Variants in SFSWAP observed in about 807,000 individuals in gnomAD.
SFSWAP encodes splicing factor SWAP, also known as splicing factor, suppressor of white-apricot homolog.
A neutral mutation model predicts 100.7 loss-of-function variants in SFSWAP; 17 were observed. That is an observed-to-expected ratio of 0.17 (90% CI 0.12 to 0.25). The LOEUF is 0.25. Ranked by LOEUF, SFSWAP falls within the 10% of genes least tolerant of loss-of-function variation. SFSWAP has a pLI of 1.00. For synonymous variants in SFSWAP, 504 were observed against 510.1 expected (o/e 0.99, Z 0.16); for missense variants, 1,005 against 1,262.6 (o/e 0.80, Z 3.09).
chr12:131,743,841 A>G lies in SFSWAP; in HGVS notation c.1082-9282A>G, dbSNP rs1478786808. On this transcript the variant is annotated intron_variant, in intron 7 of 17. Transcript: ENST00000261674. ...TCTGCCTGGGCATCCAGGCATTTCCATACATCCTGTGAAATCTAGATGGAG... is the reference window on the plus strand; with the variant it reads ...TCTGCCTGGGCATCCAGGCATTTCCGTACATCCTGTGAAATCTAGATGGAG... Among the ~76,000 whole-genome samples the G allele has an allele frequency of 2.6e-5, 4 of 152,188 alleles. No individual in the cohort carries two copies. The East Asian group carries it at 7.7e-4, about 29-fold the overall frequency.
chr12:131,719,859 A>C (rs925456814), intron 4 of SFSWAP, among the ~76,000 whole-genome samples: 1 of 152,188 alleles, frequency 6.6e-6, no homozygotes, highest in African/African-American at 2.4e-5. Flanking sequence ...GCTGCTCCCC[A>C]CACATAGATG....
chr12:131,755,431 G>C lies in SFSWAP; in HGVS notation c.1500G>C (p.Glu500Asp). ...QPWHQYNAYY[E>D]FKKQFFLQKE... The stretch of plus-strand genomic sequence containing the variant: ...GGCACCAGTATAATGCTTATTATGA[G>C]TTTAAGAAGCAGTTCTTCCTCCAGA... The change falls in exon 10 of 18, where the codon GAG becomes GAC. Residue 500 changes from glutamate (E) to aspartate (D), a missense_variant. Physicochemically the swap from Glu to Asp is conservative, Grantham distance 45. Transcript: ENST00000261674. The C allele has an allele frequency of 6.2e-7, 1 of 1,613,956 alleles. No homozygotes were observed. The highest frequency in any genetic ancestry group is 1.1e-5 in the South Asian group (1 of 91,086).
intron 14 of SFSWAP, among the ~76,000 whole-genome samples, chr12:131,781,938 C>A (rs139288252): frequency 3.9e-5 from 6 of 152,132 alleles, no homozygotes; most frequent in Non-Finnish European, 7.3e-5. Context: ...CAAGTTCTAC[C>A]GTGGGTGCTG....
At chr12:131,785,171 C>T (rs1269440277) in intron 14 of SFSWAP, 1 of 1,535,688 alleles carries the variant, frequency 6.5e-7, no homozygotes. Context: ...GCAGCCTCGA[C>T]CACCACCAGA....
chr12:131,772,870 T>C (rs576411955), intron 13 of SFSWAP, among the ~76,000 whole-genome samples: 1 of 152,138 alleles, frequency 6.6e-6, no homozygotes, highest in African/African-American at 2.4e-5. Flanking sequence ...GAGGACTTTA[T>C]TGAGCTGTGG....
In SFSWAP at chr12:131,729,668, G is replaced by A. The variant is rs115726721; in HGVS notation, c.1081+1240G>A. 2.5e-3 allele frequency among the ~76,000 whole-genome samples: 385 copies of A among 152,294 alleles called. 4 individuals carry two copies. The highest frequency in any genetic ancestry group is 7.0e-3 in the African/African-American group (292 of 41,578). On this transcript the variant is annotated intron_variant, in intron 7 of 17. Coordinates refer to ENST00000261674, the MANE Select transcript of SFSWAP (RefSeq NM_004592.4). ...GAAAGTGTTTGACGTTGGTTCCAGC[G>A]TCAGGTCTTTCTGTAATTGTTTTAT...
chr12:131,723,310 G>C (rs1878659761), intron 4 of SFSWAP: 1 of 152,142 alleles, frequency 6.6e-6, no homozygotes, highest in Non-Finnish European at 1.5e-5. Context: ...TGTCTTGCAG[G>C]TATTTTCTCC....
intron 13 of SFSWAP, among the ~76,000 whole-genome samples, chr12:131,776,916 G>C (rs891399271): frequency 2.6e-5 from 4 of 152,224 alleles, no homozygotes; most frequent in Admixed American, 1.3e-4. Context: ...ATCTGGTTCC[G>C]ATGCGCTGTG....
Position 131,711,118 on chromosome 12 carries a change from T to G in SFSWAP, c.-112T>G. On this transcript the variant is annotated 5_prime_UTR_variant, in exon 1 of 18. Coordinates refer to ENST00000261674, the MANE Select transcript of SFSWAP (RefSeq NM_004592.4). This position sits in a 1 kb window ranked among gnomAD's most constrained non-coding sequence, Gnocchi z 4.9. ...TTGTGGCCCGCTATGGCGGCGGTGT[T>G]GAGGTTGGGTACGGGATGCGGGGTC... The G allele has an allele frequency of 1.6e-5, 13 of 834,356 alleles. No individual in the cohort carries two copies. The highest frequency in any genetic ancestry group is 2.0e-5 in the Non-Finnish European group (11 of 553,076). 51.7% of individuals were successfully genotyped at this position (834,356 alleles called of 1,614,324 possible). A position where few individuals can be genotyped will look rare whatever the true frequency, so the allele number is the denominator to read the frequency against.
intron 7 of SFSWAP, among the ~76,000 whole-genome samples, chr12:131,741,914 G>C (rs1880680655): frequency 6.6e-6 from 1 of 152,042 alleles, no homozygotes; most frequent in South Asian, 2.1e-4. Flanking sequence ...GCGTGTGCAG[G>C]GTCTCATGCC....
At chr12:131,745,857 C>T (rs532509170) in intron 7 of SFSWAP, among the ~76,000 whole-genome samples, 42 of 151,936 alleles carry the variant, frequency 2.8e-4, no homozygotes, top group Middle Eastern at 3.2e-3. Flanking sequence ...ATCCAGCAGC[C>T]GAATAAGCCT....
intron 12 of SFSWAP, among the ~76,000 whole-genome samples, chr12:131,765,511 G>A (rs1883038868): frequency 6.6e-6 from 1 of 152,138 alleles, no homozygotes; most frequent in African/African-American, 2.4e-5. Flanking sequence ...AGCCGGGCGT[G>A]GTGGCACACG....
chr12:131,739,638 T>C (rs1252075405), intron 7 of SFSWAP, among the ~76,000 whole-genome samples: 1 of 140,986 alleles, frequency 7.1e-6, no homozygotes, highest in Non-Finnish European at 1.5e-5. Context: ...CTCTGCCTCC[T>C]GGGTTCACGC....
At chr12:131,769,818 G>C (rs909698287) in intron 13 of SFSWAP, among the ~76,000 whole-genome samples, 9 of 152,106 alleles carry the variant, frequency 5.9e-5, no homozygotes, top group Middle Eastern at 6.8e-3. Flanking sequence ...TAGTAGAGAC[G>C]GGGTTTCACC....
intron 15 of SFSWAP, among the ~76,000 whole-genome samples, chr12:131,787,487 G>A (rs1884976565): frequency 6.6e-6 from 1 of 152,184 alleles, no homozygotes. Context: ...AGCTTGTTTT[G>A]TGTCCCCATG....
At chr12:131,740,772 A>G (rs548964377) in intron 7 of SFSWAP, among the ~76,000 whole-genome samples, 2 of 152,136 alleles carry the variant, frequency 1.3e-5, no homozygotes, top group South Asian at 4.2e-4. Flanking sequence ...GCTTTACAGC[A>G]GGGCCCCACA....
chr12:131,716,547 C>T (rs565229295), intron 3 of SFSWAP, among the ~76,000 whole-genome samples: 1 of 152,166 alleles, frequency 6.6e-6, no homozygotes, highest in African/African-American at 2.4e-5. Context: ...ATAGCCACTT[C>T]ACAAATAAAG....
At chr12:131,759,908 A>G (rs1825173484) in intron 11 of SFSWAP, among the ~76,000 whole-genome samples, 1 of 152,256 alleles carries the variant, frequency 6.6e-6, no homozygotes, top group South Asian at 2.1e-4. Context: ...AGTATAGTTT[A>G]CATATTAACA....
intron 7 of SFSWAP, among the ~76,000 whole-genome samples, chr12:131,738,885 C>CTTTTTTTTTTTTT (rs71072785): frequency 0.067 from 3,277 of 48,704 alleles, 1,234 homozygotes; most frequent in East Asian, 0.11. Flanking sequence ...GAACATTATT[C>CTTTTTTTTTTTTT]TTTTTTTTTT....
Sources: gnomAD v4.1 joint callset for allele counts (sites outside exome capture counted in the v4.1 genomes callset) on GRCh38, gnomAD v4.1.1 for gene constraint, Gnocchi (gnomAD v3.1) non-coding constraint, MANE v1.5 for transcripts, NCBI Gene and HGNC (gene_info 2026-07-23, HGNC 2026-07-21) for gene names.